RNF214: variants seen among roughly 807,000 people sequenced by gnomAD.
RNF214 encodes the protein ring finger protein 214.
RNF214 carries 25 observed loss-of-function variants against 75.9 expected under a neutral mutation model. That is an observed-to-expected ratio of 0.33 (90% confidence interval 0.24 to 0.46). The LOEUF is 0.46. Ranked by LOEUF, RNF214 falls within the 20% of genes least tolerant of loss-of-function variation. RNF214 has a pLI of 1.00. For missense variants in RNF214, 725 were observed against 857.5 expected, an observed-to-expected ratio of 0.85 and a Z score of 1.93; for synonymous variants, 314 against 308.8, an observed-to-expected ratio of 1.02 and a Z score of -0.18.
intron 5 of RNF214, 72 bp downstream of exon 5, chr11:117,244,657 A>C: frequency 8.6e-7 from 1 of 1,157,766 alleles, no homozygotes; most frequent in Non-Finnish European, 1.2e-6. Context: ...TTTTTAAAAA[A>C]CTTTATTTAT....
At chr11:117,264,395 A>T (rs1356261039) in intron 6 of RNF214, among the ~76,000 whole-genome samples, 1 of 152,126 alleles carries the variant, frequency 6.6e-6, no homozygotes, top group South Asian at 2.1e-4. Flanking sequence ...AGCTATTCCT[A>T]TATCTGCAGT....
chr11:117,233,432 A>T (rs582179), intron 1 of RNF214, among the ~76,000 whole-genome samples: 1 of 151,978 alleles, frequency 6.6e-6, no homozygotes, highest in African/African-American at 2.4e-5. Context: ...CCGGGGGGGA[A>T]TACGTGTGAT....
intron 14 of RNF214, 70 bp downstream of exon 14, chr11:117,283,280 A>T: frequency 9.5e-7 from 1 of 1,053,758 alleles, no homozygotes; most frequent in Non-Finnish European, 1.4e-6. Context: ...TTTCTTTCTC[A>T]TTTTCTACTC....
At chr11:117,261,845 C>T (rs1302898935) in intron 6 of RNF214, among the ~76,000 whole-genome samples, 1 of 151,760 alleles carries the variant, frequency 6.6e-6, no homozygotes, top group Non-Finnish European at 1.5e-5. Context: ...GAGGTTTCAC[C>T]ATGTTGGCCA....
chr11:117,239,660 T>C, intron 3 of RNF214, 141 bp from the exon 4 acceptor site: 1 of 653,676 alleles, frequency 1.5e-6, no homozygotes. Context: ...TTGCCAGAAC[T>C]ACATTGCTTA....
intron 1 of RNF214, among the ~76,000 whole-genome samples, chr11:117,233,807 C>T (rs563176919): frequency 2.0e-5 from 3 of 152,274 alleles, no homozygotes; most frequent in Admixed American, 6.5e-5. Flanking sequence ...AGGCAGACAC[C>T]TCCAAAAACT....
chr11:117,251,192 C>A (rs1174978862), intron 6 of RNF214, among the ~76,000 whole-genome samples: 1 of 142,282 alleles, frequency 7.0e-6, no homozygotes, highest in South Asian at 2.4e-4. Context: ...TAGGGGCGGC[C>A]GGGCAGAGGC....
chr11:117,250,123 G>A (rs1223213402), intron 6 of RNF214, among the ~76,000 whole-genome samples: 1 of 152,214 alleles, frequency 6.6e-6, no homozygotes, highest in Non-Finnish European at 1.5e-5. Flanking sequence ...CATGACAGTG[G>A]TGGTATGAAA....
intron 6 of RNF214, 84 bp from the exon 7 acceptor site, chr11:117,279,824 A>G: frequency 1.0e-6 from 1 of 971,554 alleles, no homozygotes. Flanking sequence ...TGGCTGACCA[A>G]TTTTGGGTTG....
At chr11:117,251,680 A>G (rs2033396932) in intron 6 of RNF214, among the ~76,000 whole-genome samples, 1 of 152,080 alleles carries the variant, frequency 6.6e-6, no homozygotes. Flanking sequence ...GAAGGAAAAG[A>G]CACTGCCGGC....
chr11:117,256,868 T>C (rs971423645), intron 6 of RNF214, among the ~76,000 whole-genome samples: 1 of 152,184 alleles, frequency 6.6e-6, no homozygotes, highest in Non-Finnish European at 1.5e-5. Context: ...CACATTTCAC[T>C]TTTTCTGCTT....
intron 6 of RNF214, among the ~76,000 whole-genome samples, chr11:117,276,390 A>T (rs994545384): frequency 1.3e-4 from 20 of 152,168 alleles, no homozygotes; most frequent in African/African-American, 4.8e-4. Flanking sequence ...CAGGAAGATC[A>T]CTTGAGTCCA....
intron 5 of RNF214, among the ~76,000 whole-genome samples, chr11:117,245,855 G>A (rs971275497): frequency 4.6e-5 from 7 of 152,182 alleles, no homozygotes; most frequent in African/African-American, 1.7e-4. Context: ...ATGTCTTTGT[G>A]TGAGCATAGA....
In RNF214 at chr11:117,285,761, C is replaced by T. The variant is rs1372238759; in HGVS notation, c.*610C>T. 1.3e-5 allele frequency: 2 copies of T among 152,276 alleles called. No individual in the cohort carries two copies. The highest frequency in any genetic ancestry group is 6.5e-5 in the Admixed American group (1 of 15,280). 9.4% of individuals were successfully genotyped at this position (152,276 alleles called of 1,614,324 possible). On this transcript the variant is annotated 3_prime_UTR_variant, in exon 15 of 15. Coordinates refer to ENST00000300650, the MANE Select transcript of RNF214 (RefSeq NM_207343.4). ...ATTATTTATACAGACATTAGGTTTA[C>T]AGAATATTCTGTTTTACATCACCAA...
intron 6 of RNF214, among the ~76,000 whole-genome samples, chr11:117,274,589 G>A (rs1469738660): frequency 1.3e-5 from 2 of 150,958 alleles, no homozygotes; most frequent in South Asian, 2.1e-4. Context: ...GGCTAGTCTC[G>A]AACTCCTGAC....
intron 6 of RNF214, among the ~76,000 whole-genome samples, chr11:117,262,377 G>A (rs573442137): frequency 5.9e-5 from 9 of 151,350 alleles, no homozygotes; most frequent in African/African-American, 1.2e-4. Flanking sequence ...TTGAGCCACC[G>A]CACCTGGCCT....
intron 6 of RNF214, among the ~76,000 whole-genome samples, chr11:117,249,222 G>C (rs953371688): frequency 6.6e-6 from 1 of 152,100 alleles, no homozygotes; most frequent in African/African-American, 2.4e-5. Context: ...ACCGTGCCCA[G>C]CCTTTTTTTA....
At chr11:117,241,170 ACT>A (rs1166805406) in intron 4 of RNF214, among the ~76,000 whole-genome samples, 4 of 151,558 alleles carry the variant, frequency 2.6e-5, no homozygotes, top group South Asian at 2.1e-4. Context: ...ACAGAGTGAG[ACT>A]CTCTCAAAAA....
intron 6 of RNF214, among the ~76,000 whole-genome samples, chr11:117,274,356 C>CTTTTTTT (rs11461326): frequency 3.3e-4 from 26 of 79,476 alleles, no homozygotes; most frequent in East Asian, 1.8e-3. Context: ...CAAATGACTT[C>CTTTTTTT]TTTTTTTTTT....
Sources: gnomAD v4.1 joint callset for allele counts (sites outside exome capture counted in the v4.1 genomes callset) on GRCh38, gnomAD v4.1.1 for gene constraint, MANE v1.5 for transcripts, NCBI Gene and HGNC (gene_info 2026-07-23, HGNC 2026-07-21) for gene names.